HMCN1: variants seen among roughly 807,000 people sequenced by gnomAD.
HMCN1 encodes the protein hemicentin-1.
HMCN1 carries 321 observed loss-of-function variants against 625.9 expected under a neutral mutation model. The ratio of observed to expected loss-of-function variants is 0.51; its 90% confidence interval spans 0.47 to 0.56. HMCN1 has a LOEUF of 0.56. HMCN1 is among the 20% of genes least tolerant of loss of function. HMCN1 has a pLI of 0.00. For missense variants in HMCN1, 6,588 were observed against 6,887.3 expected, an observed-to-expected ratio of 0.96 and a Z score of 1.54; for synonymous variants, 2,425 against 2,417.6, an observed-to-expected ratio of 1.00 and a Z score of -0.09.
At chr1:185,742,639 C>T (rs1449118315) in intron 1 of HMCN1, among the ~76,000 whole-genome samples, 2 of 152,160 alleles carry the variant, frequency 1.3e-5, no homozygotes, top group Non-Finnish European at 2.9e-5. Context: ...CTCTCTGTGC[C>T]TCTAGCACAT....
chr1:185,995,128 G>T, intron 24 of HMCN1, 41 bp downstream of exon 24: 2 of 1,586,754 alleles, frequency 1.3e-6, no homozygotes, highest in Non-Finnish European at 8.7e-7. Flanking sequence ...GTAGGGTGGG[G>T]AGTGAGAGAA....
chr1:185,933,960 A>G lies in HMCN1; in HGVS notation c.1828+136A>G, dbSNP rs1004235122. 3 of 810,116 alleles carry G rather than the reference A, an allele frequency of 3.7e-6. No individual in the cohort carries two copies. The Admixed American group carries it at 5.4e-5, about 15-fold the overall frequency. 50.2% of individuals were successfully genotyped at this position (810,116 alleles called of 1,614,324 possible). A position where few individuals can be genotyped will look rare whatever the true frequency, so the allele number is the denominator to read the frequency against. ...TACAGTTTTAAGTGATAGAATGCTTAACATACTCAGTGGTCTACAGCCAAC... is the reference window on the plus strand; with the variant it reads ...TACAGTTTTAAGTGATAGAATGCTTGACATACTCAGTGGTCTACAGCCAAC... On this transcript the variant is annotated intron_variant, in intron 11 of 106. Transcript: ENST00000271588.
chr1:185,835,274 G>T (rs1046242074), intron 1 of HMCN1, among the ~76,000 whole-genome samples: 2 of 152,158 alleles, frequency 1.3e-5, no homozygotes, highest in African/African-American at 4.8e-5. Flanking sequence ...AGTTGGTATG[G>T]GTGCACTGAT....
intron 67 of HMCN1, among the ~76,000 whole-genome samples, chr1:186,095,006 C>T (rs1660053271): frequency 6.6e-6 from 1 of 152,092 alleles, no homozygotes; most frequent in Admixed American, 6.6e-5. Flanking sequence ...ATTTAAAACA[C>T]ATTGTGCGTT....
At chr1:185,790,454 A>G (rs115516177) in intron 1 of HMCN1, among the ~76,000 whole-genome samples, 4 of 152,300 alleles carry the variant, frequency 2.6e-5, no homozygotes, top group Admixed American at 1.3e-4. Flanking sequence ...ATCCTGACTA[A>G]TAGAAGAAAC....
chr1:185,912,760 G>T (rs973478724), intron 6 of HMCN1, among the ~76,000 whole-genome samples: 1 of 152,084 alleles, frequency 6.6e-6, no homozygotes, highest in Non-Finnish European at 1.5e-5. Context: ...CCCTTTGTGG[G>T]CCTCTTCCCA....
At chr1:185,923,133 C>T (rs1667080344) in intron 7 of HMCN1, among the ~76,000 whole-genome samples, 2 of 152,042 alleles carry the variant, frequency 1.3e-5, no homozygotes, top group Admixed American at 1.3e-4. Context: ...TGTGATCAAA[C>T]ATATAACAAT....
At chr1:186,140,604 T>A (rs1649896745) in intron 89 of HMCN1, among the ~76,000 whole-genome samples, 1 of 152,208 alleles carries the variant, frequency 6.6e-6, no homozygotes, top group Non-Finnish European at 1.5e-5. Context: ...AATAAGTATT[T>A]TGTAGGGAAA....
At chr1:185,784,747 T>C (rs1477672647) in intron 1 of HMCN1, among the ~76,000 whole-genome samples, 1 of 152,178 alleles carries the variant, frequency 6.6e-6, no homozygotes, top group African/African-American at 2.4e-5. Flanking sequence ...ATTTATTTTG[T>C]ATCTTAAAAA....
intron 4 of HMCN1, among the ~76,000 whole-genome samples, chr1:185,903,254 T>C (rs889131208): frequency 2.5e-4 from 38 of 151,808 alleles, no homozygotes; most frequent in African/African-American, 9.2e-4. Flanking sequence ...TATAAAACTT[T>C]GATCATGTAG....
chr1:186,078,023 A>G, intron 54 of HMCN1, 84 bp from the exon 55 acceptor site: 2 of 985,258 alleles, frequency 2.0e-6, no homozygotes, highest in Non-Finnish European at 3.2e-6. Context: ...TAAGGCAGTC[A>G]TTAGACCTGA....
chr1:186,076,271 T>C (rs1658805959), intron 53 of HMCN1, among the ~76,000 whole-genome samples, 157 bp from the exon 54 acceptor site: 1 of 152,166 alleles, frequency 6.6e-6, no homozygotes, highest in Admixed American at 6.5e-5. Context: ...GTACTACTTT[T>C]TTGGCTAAGG....
At chr1:185,797,965 C>CAAAAAAAAA (rs35031310) in intron 1 of HMCN1, among the ~76,000 whole-genome samples, 3 of 13,668 alleles carry the variant, frequency 2.2e-4, no homozygotes, top group Non-Finnish European at 3.6e-4. Flanking sequence ...GACTCCGTCT[C>CAAAAAAAAA]AAAAAAAAAA....
intron 17 of HMCN1, among the ~76,000 whole-genome samples, chr1:185,981,506 CT>C (rs768606978): frequency 6.6e-6 from 1 of 152,184 alleles, no homozygotes; most frequent in East Asian, 1.9e-4. Flanking sequence ...TTCCCACTGA[CT>C]AAAATACCCA....
At chr1:185,830,313 G>C (rs1364100685) in intron 1 of HMCN1, among the ~76,000 whole-genome samples, 1 of 152,092 alleles carries the variant, frequency 6.6e-6, no homozygotes, top group Non-Finnish European at 1.5e-5. Context: ...TTGTCATGAA[G>C]GCTTTGCCCG....
intron 1 of HMCN1, among the ~76,000 whole-genome samples, chr1:185,770,148 T>C (rs1200675810): frequency 2.0e-5 from 3 of 152,166 alleles, no homozygotes; most frequent in African/African-American, 2.4e-5. Context: ...TACAAGAGAC[T>C]GATTCCACCA....
intron 100 of HMCN1, among the ~76,000 whole-genome samples, chr1:186,167,302 G>C (rs1333044189): frequency 6.6e-6 from 1 of 152,178 alleles, no homozygotes; most frequent in Non-Finnish European, 1.5e-5. Flanking sequence ...AAGACTGCCA[G>C]AATGTTTGTT....
intron 83 of HMCN1, among the ~76,000 whole-genome samples, chr1:186,129,201 T>A (rs1485946323): frequency 1.4e-5 from 2 of 148,142 alleles, no homozygotes; most frequent in Admixed American, 1.3e-4. Flanking sequence ...GTAAAAGATT[T>A]AAAAAAAAAA....
intron 53 of HMCN1, among the ~76,000 whole-genome samples, chr1:186,075,656 G>A (rs1448030602): frequency 1.3e-5 from 2 of 151,938 alleles, no homozygotes; most frequent in Non-Finnish European, 2.9e-5. Flanking sequence ...CTAACTATTC[G>A]ACATGATTTT....
Sources: allele counts gnomAD v4.1 joint callset (sites outside exome capture counted in the v4.1 genomes callset), GRCh38; gene constraint gnomAD v4.1.1; transcripts MANE v1.5; gene names NCBI Gene and HGNC (gene_info 2026-07-23, HGNC 2026-07-21).